Variants in PERP observed in about 807,000 individuals in gnomAD.
The protein encoded by PERP is p53 apoptosis effector related to PMP22, also known as p53 apoptosis effector related to PMP-22.
A neutral mutation model predicts 20.3 loss-of-function variants in PERP; 11 were observed. The ratio of observed to expected loss-of-function variants is 0.54; its 90% CI spans 0.34 to 0.90. The LOEUF is 0.90. Ranked by LOEUF, PERP falls within the 40% of genes least tolerant of loss-of-function variation. The probability of loss-of-function intolerance (pLI) is 0.02; values close to 1 mark genes in which losing one functional copy is unlikely to be tolerated. For synonymous variants in PERP, 101 were observed against 102.0 expected (o/e 0.99, Z 0.06); for missense variants, 224 against 249.4 (o/e 0.90, Z 0.69).
chr6:138,102,566 G>A (rs142008115), intron 1 of PERP, among the ~76,000 whole-genome samples: 5 of 152,184 alleles, frequency 3.3e-5, no homozygotes, highest in African/African-American at 7.2e-5. Flanking sequence ...AGTAGTCTGC[G>A]TCCCTTTACA....
chr6:138,097,140 G>C (rs1015430231), intron 1 of PERP, among the ~76,000 whole-genome samples: 3 of 152,158 alleles, frequency 2.0e-5, no homozygotes, highest in African/African-American at 7.2e-5. Context: ...AATTTCTTAA[G>C]TATTCAAAAT....
intron 2 of PERP, among the ~76,000 whole-genome samples, chr6:138,095,613 C>T (rs1775674524): frequency 6.6e-6 from 1 of 152,220 alleles, no homozygotes; most frequent in Non-Finnish European, 1.5e-5. Flanking sequence ...AGCACCTTCT[C>T]TTTTTTCCCT....
chr6:138,104,507 A>G (rs569022023), intron 1 of PERP, among the ~76,000 whole-genome samples: 2 of 152,330 alleles, frequency 1.3e-5, no homozygotes, highest in East Asian at 3.9e-4. Context: ...AAACATCCAT[A>G]TTCATTCGGA....
chr6:138,098,342 T>G lies in PERP; in HGVS notation c.215-1848A>C, dbSNP rs79095485. 8.1e-3 allele frequency among the ~76,000 whole-genome samples: 1,229 copies of G among 152,038 alleles called. 20 individuals are homozygous for G. The highest frequency in any genetic ancestry group is 0.029 in the African/African-American group (1,186 of 41,440). ...ATGGGGCTGGCAGAAAGAGCAAGGG[T>G]GTTGGAGCTGCTGGACCTCGTTTGG... On this transcript the variant is annotated intron_variant, in intron 1 of 2. Transcript: ENST00000421351.
intron 1 of PERP, among the ~76,000 whole-genome samples, chr6:138,103,394 T>G (rs1282693686): frequency 6.6e-6 from 1 of 152,012 alleles, no homozygotes; most frequent in Non-Finnish European, 1.5e-5. Context: ...TCAAGTGATC[T>G]GCCCGCCTCG....
intron 2 of PERP, among the ~76,000 whole-genome samples, chr6:138,096,012 G>A (rs1225188956): frequency 1.3e-5 from 2 of 152,160 alleles, no homozygotes; most frequent in Non-Finnish European, 2.9e-5. Flanking sequence ...AGCAGGCCAG[G>A]GCTGGGGACC....
chr6:138,105,989 C>T (rs943329233), intron 1 of PERP, among the ~76,000 whole-genome samples: 2 of 151,950 alleles, frequency 1.3e-5, no homozygotes, highest in African/African-American at 4.8e-5. Flanking sequence ...GGGGAAGTGA[C>T]GTCCAAAGGA....
At chr6:138,098,287 G>A (rs546843260) in intron 1 of PERP, among the ~76,000 whole-genome samples, 1 of 152,290 alleles carries the variant, frequency 6.6e-6, no homozygotes, top group South Asian at 2.1e-4. Context: ...CTTAATTCTA[G>A]GTTGTTTGAC....
At chr6:138,100,612 C>T (rs1237913673) in intron 1 of PERP, among the ~76,000 whole-genome samples, 1 of 151,448 alleles carries the variant, frequency 6.6e-6, no homozygotes, top group Non-Finnish European at 1.5e-5. Context: ...TTCTTATTGT[C>T]AACTCTCATT....
intron 1 of PERP, among the ~76,000 whole-genome samples, chr6:138,105,821 C>A (rs1257281354): frequency 6.6e-6 from 1 of 152,338 alleles, no homozygotes; most frequent in East Asian, 1.9e-4. Context: ...ACAATTAATT[C>A]GCTTTAAAAA....
intron 2 of PERP, among the ~76,000 whole-genome samples, chr6:138,095,143 A>C (rs988544610): frequency 2.6e-5 from 4 of 152,240 alleles, no homozygotes; most frequent in Admixed American, 1.3e-4. Flanking sequence ...CTACAAAAAT[A>C]ATCAAGTAGA....
chr6:138,096,778 G>C (rs1289169309), intron 1 of PERP, among the ~76,000 whole-genome samples: 8 of 152,104 alleles, frequency 5.3e-5, no homozygotes, highest in Admixed American at 3.9e-4. Flanking sequence ...TCATTAATCT[G>C]TTTCTCGTGT....
chr6:138,092,245 C>T lies in PERP; in HGVS notation c.379G>A (p.Val127Ile), dbSNP rs760317076. 6.2e-7 allele frequency: 1 copy of T among 1,613,786 alleles called. No individual in the cohort carries two copies. The highest frequency in any genetic ancestry group is 2.2e-5 in the East Asian group (1 of 44,886). The change falls in exon 3 of 3, where the codon GTA (valine) becomes ATA (isoleucine). Residue 127 changes from valine to isoleucine, a missense_variant. Val to Ile is a conservative substitution (Grantham distance 29). Coordinates refer to ENST00000421351, the MANE Select transcript of PERP (RefSeq NM_022121.5). ...TGGGTGTACTTCACGGGGTAAATTACCAGGGAGATGATCTGGAACACAGCT... is the reference window on the plus strand; with the variant it reads ...TGGGTGTACTTCACGGGGTAAATTATCAGGGAGATGATCTGGAACACAGCT... ...LAAVFQIISL[V>I]IYPVKYTQTF...
rs904919784 is a variant in PERP at position 138,089,045 on chromosome 6, G to T, written c.*2997C>A. 3 of 152,002 alleles carry T rather than the reference G, an allele frequency of 2.0e-5. No individual in the cohort carries two copies. Among genetic ancestry groups the T allele is most frequent in the Non-Finnish European group, 4.4e-5 (3 of 68,000 alleles). The allele number at this position is 152,002 out of a possible 1,614,324, so 9.4% of individuals were successfully genotyped here. On this transcript the variant is annotated 3_prime_UTR_variant, in exon 3 of 3. Transcript: ENST00000421351. ...GAATATTTAAAATTTTTTAATTAAA[G>T]AAAAAATTCTATCAATCAGAGAATC...
chr6:138,092,143 T>A lies in PERP; in HGVS notation c.481A>T (p.Ile161Phe). The change falls in exon 3 of 3, where the codon ATT becomes TTT. Residue 161 changes from isoleucine to phenylalanine, a missense_variant. Ile to Phe is a conservative substitution (Grantham distance 21). Coordinates refer to ENST00000421351, the MANE Select transcript of PERP (RefSeq NM_022121.5). Reference protein sequence around the residue: ...WAYGFGWAATIILIGCAFFFC... With the variant: ...WAYGFGWAATFILIGCAFFFC... ...AAGAAGGCACAGCCAATCAGGATAA[T>A]CGTGGCTGCCCACCCAAAGCCGTAG... 1 of 1,614,080 alleles carries A rather than the reference T, an allele frequency of 6.2e-7. No homozygotes were observed. The highest frequency in any genetic ancestry group is 1.1e-5 in the South Asian group (1 of 91,080).
In PERP at chr6:138,088,709, A is replaced by T. The variant is rs1775531002; in HGVS notation, c.*3333T>A. ...AATACACCCAGATACCAGAATTGCA[A>T]AATTCAGGAAGAATGCACTGCACAC... is the stretch of plus-strand genomic sequence containing the variant. On this transcript the variant is annotated 3_prime_UTR_variant, in exon 3 of 3. Transcript: ENST00000421351. 1 of 152,184 alleles carries T rather than the reference A, an allele frequency of 6.6e-6. No homozygotes were observed. Among genetic ancestry groups the T allele is most frequent in the African/African-American group, 2.4e-5 (1 of 41,438 alleles). The allele number at this position is 152,184 out of a possible 1,614,324, so 9.4% of individuals were successfully genotyped here.
chr6:138,092,928 AAAC>A (rs139569744), intron 2 of PERP, among the ~76,000 whole-genome samples: 12,609 of 152,112 alleles, frequency 0.083, 581 homozygotes, highest in Middle Eastern at 0.16. Flanking sequence ...GGGACAGAAA[AAAC>A]AAAAGCAGCA....
chr6:138,107,103 A>ACGC lies in PERP; in HGVS notation c.214+23_214+24insGCG. 5 of 1,572,614 alleles carry ACGC rather than the reference A, an allele frequency of 3.2e-6. No individual in the cohort carries two copies. Among genetic ancestry groups the ACGC allele is most frequent in the Non-Finnish European group, 4.3e-6 (5 of 1,160,190 alleles). On this transcript the variant is annotated intron_variant, in intron 1 of 2. Coordinates refer to ENST00000421351, the MANE Select transcript of PERP (RefSeq NM_022121.5). This position sits in a 1 kb window ranked among gnomAD's most constrained non-coding sequence, Gnocchi z 4.8. ...CCCCGAGGGCTTCCTGGAGGCGGCG[A>ACGC]CGGCGGCGGCGGCGGGCACTCACCG...
In PERP at chr6:138,091,371, A is replaced by G. The variant is rs868627494; in HGVS notation, c.*671T>C. 8 of 152,232 alleles carry G rather than the reference A, an allele frequency of 5.3e-5. No homozygotes were observed. The South Asian group carries it at 1.7e-3, about 32-fold the overall frequency. The allele number at this position is 152,232 out of a possible 1,614,324, so 9.4% of individuals were successfully genotyped here. A position where few individuals can be genotyped will look rare whatever the true frequency, so the allele number is the denominator to read the frequency against. ...CTTTAAAAGAGAAAATTTCATCTAA[A>G]TATTTCACACTTAAAGGAAAGCCTT... On this transcript the variant is annotated 3_prime_UTR_variant, in exon 3 of 3. Coordinates refer to ENST00000421351, the MANE Select transcript of PERP (RefSeq NM_022121.5).
Sources: allele counts gnomAD v4.1 joint callset (sites outside exome capture counted in the v4.1 genomes callset), GRCh38; gene constraint gnomAD v4.1.1; non-coding constraint Gnocchi (gnomAD v3.1); transcripts MANE v1.5; gene names NCBI Gene and HGNC (gene_info 2026-07-23, HGNC 2026-07-21).